Variants in NPL observed in about 807,000 individuals in gnomAD.
NPL encodes the protein N-acetylneuraminate lyase.
In NPL, 32 loss-of-function variants were observed where a neutral mutation model predicts 41.1. The ratio of observed to expected loss-of-function variants is 0.78; its 90% CI spans 0.59 to 1.05. NPL has a LOEUF of 1.05. NPL is among the 50% of genes least tolerant of loss of function. NPL has a pLI of 0.00. For missense variants in NPL, 321 were observed against 378.4 expected (o/e 0.85, Z 1.26); for synonymous variants, 128 against 134.9 (o/e 0.95, Z 0.35).
chr1:182,829,560 C>A lies in NPL; in HGVS notation c.*652C>A. ...GCTTTCTCATAACAAAGGAAAAAGT[C>A]TTCCCCAAAGATGAATTTAAGTCTC... On this transcript the variant is annotated 3_prime_UTR_variant, in exon 13 of 13. Transcript: ENST00000367553. 2 of 1,529,338 alleles carry A rather than the reference C, an allele frequency of 1.3e-6. No homozygotes were observed. The highest frequency in any genetic ancestry group is 1.2e-5 in the South Asian group (1 of 83,194). The allele number at this position is 1,529,338 out of a possible 1,614,324, so 94.7% of individuals were successfully genotyped here.
At chr1:182,822,517 C>T (rs530425882) in intron 11 of NPL, among the ~76,000 whole-genome samples, 2 of 152,246 alleles carry the variant, frequency 1.3e-5, no homozygotes, top group African/African-American at 4.8e-5. Flanking sequence ...GGAAAATGAC[C>T]ACAGGCTGTC....
At chr1:182,813,072 G>A (rs1361806208) in intron 6 of NPL, among the ~76,000 whole-genome samples, 1 of 150,738 alleles carries the variant, frequency 6.6e-6, no homozygotes, top group East Asian at 1.9e-4. Context: ...AGAATTGCTT[G>A]AACCCAGGAG....
intron 3 of NPL, among the ~76,000 whole-genome samples, chr1:182,802,930 T>A (rs1442209787): frequency 6.6e-6 from 1 of 152,084 alleles, no homozygotes; most frequent in Non-Finnish European, 1.5e-5. Flanking sequence ...TCTAATAAAG[T>A]CCCCCAGATG....
chr1:182,818,657 C>CA lies in NPL; in HGVS notation c.576dup (p.Gln193ThrfsTer10), dbSNP rs777397661. 3.5e-5 allele frequency: 57 copies of CA among 1,614,214 alleles called. No individual in the cohort carries two copies. The highest frequency in any genetic ancestry group is 4.7e-5 in the Non-Finnish European group (56 of 1,180,042). ...GCAATGTGTTGATCAGAATCGCCAG[C>CA]AACAGTTTGCTTTCCTTTTTGGGGT... On this transcript the variant is annotated frameshift_variant, in exon 9 of 13. Coordinates refer to ENST00000367553, the MANE Select transcript of NPL (RefSeq NM_030769.3). LOFTEE classifies it high-confidence loss of function.
chr1:182,822,082 T>C lies in NPL; in HGVS notation c.654-33T>C, dbSNP rs1377490474. ...GATCTGGACCTTTCCTGTTGAGTTA[T>C]TGAACCTGCAGTATTTGTTATTGTC... On this transcript the variant is annotated intron_variant, in intron 10 of 12. Transcript: ENST00000367553. 3.7e-6 allele frequency: 5 copies of C among 1,364,580 alleles called. No individual in the cohort carries two copies. The African/African-American group carries it at 5.7e-5, about 16-fold the overall frequency. The allele number at this position is 1,364,580 out of a possible 1,614,324, so 84.5% of individuals were successfully genotyped here. A position where few individuals can be genotyped will look rare whatever the true frequency, so the allele number is the denominator to read the frequency against.
At chr1:182,809,764 A>G (rs1270057922) in intron 5 of NPL, 1 of 152,192 alleles carries the variant, frequency 6.6e-6, no homozygotes, top group South Asian at 2.1e-4. Flanking sequence ...GAAATGAGTC[A>G]TGACAGCCAG....
chr1:182,819,230 G>A (rs1190949711), intron 10 of NPL, among the ~76,000 whole-genome samples: 1 of 152,206 alleles, frequency 6.6e-6, no homozygotes, highest in Non-Finnish European at 1.5e-5. Context: ...GCCAAGGCGG[G>A]TGGATCACGA....
In NPL at chr1:182,796,819, A is replaced by G. The variant is rs758249828; in HGVS notation, c.68+2380A>G. ...TGGGAGGCCGAGGTGGGCGGATCAC[A>G]AGGTCAAGAGATCGAGACCATCCTG... On this transcript the variant is annotated intron_variant, in intron 3 of 12. Coordinates refer to ENST00000367553, the MANE Select transcript of NPL (RefSeq NM_030769.3). Among the ~76,000 whole-genome samples the G allele has an allele frequency of 1.1e-3, 171 of 152,076 alleles. 1 individual carries two copies. Among genetic ancestry groups the G allele is most frequent in the Non-Finnish European group, 1.7e-3 (116 of 67,974 alleles).
intron 3 of NPL, among the ~76,000 whole-genome samples, chr1:182,802,112 G>GTAA (rs1346502307): frequency 6.6e-6 from 1 of 152,212 alleles, no homozygotes; most frequent in East Asian, 1.9e-4. Context: ...TTTCATCATT[G>GTAA]TAAGTTCCCA....
At chr1:182,815,663 G>C (rs1667306337) in intron 7 of NPL, among the ~76,000 whole-genome samples, 1 of 152,134 alleles carries the variant, frequency 6.6e-6, no homozygotes, top group Admixed American at 6.5e-5. Context: ...GAGTACAGTG[G>C]CATGATCATA....
chr1:182,807,163 T>TA lies in NPL; in HGVS notation c.230+932dup, dbSNP rs539479086. 4.2e-3 allele frequency among the ~76,000 whole-genome samples: 636 copies of TA among 152,240 alleles called. 2 individuals are homozygous for TA. The highest frequency in any genetic ancestry group is 0.015 in the African/African-American group (623 of 41,528). ...AACTAAGTTTTATTGATTTGTCTGT[T>TA]ACAGTGTTATATGTTATGTACTGTG... On this transcript the variant is annotated intron_variant, in intron 5 of 12. Transcript: ENST00000367553.
chr1:182,820,469 T>C (rs1379989489), intron 10 of NPL, among the ~76,000 whole-genome samples: 1 of 152,228 alleles, frequency 6.6e-6, no homozygotes, highest in Non-Finnish European at 1.5e-5. Flanking sequence ...CTGAGGAAAT[T>C]TGAATGTGTA....
intron 5 of NPL, among the ~76,000 whole-genome samples, chr1:182,808,887 G>T (rs967147017): frequency 6.6e-6 from 1 of 151,436 alleles, no homozygotes; most frequent in Non-Finnish European, 1.5e-5. Flanking sequence ...TGAGCCCGGG[G>T]TGACAGAGGT....
At chr1:182,810,801 A>G (rs924624397) in intron 5 of NPL, among the ~76,000 whole-genome samples, 1 of 152,020 alleles carries the variant, frequency 6.6e-6, no homozygotes, top group Admixed American at 6.6e-5. Flanking sequence ...TTTTACCTGC[A>G]TGAACTCACA....
chr1:182,829,260 C>T lies in NPL; in HGVS notation c.*352C>T. On this transcript the variant is annotated 3_prime_UTR_variant, in exon 13 of 13. Transcript: ENST00000367553. ...GTTCCTAATCCTATTTTAAAGTTGT[C>T]TAATTTTAAACCACTATAATATGTC... 2 of 1,182,186 alleles carry T rather than the reference C, an allele frequency of 1.7e-6. No homozygotes were observed. The highest frequency in any genetic ancestry group is 2.1e-6 in the Non-Finnish European group (2 of 951,924). 73.2% of individuals were successfully genotyped at this position (1,182,186 alleles called of 1,614,324 possible). A position where few individuals can be genotyped will look rare whatever the true frequency, so the allele number is the denominator to read the frequency against.
intron 10 of NPL, among the ~76,000 whole-genome samples, chr1:182,819,456 A>AG (rs1266409469): frequency 6.6e-6 from 1 of 150,424 alleles, no homozygotes; most frequent in East Asian, 1.9e-4. Context: ...CAAAAAAAAA[A>AG]AAAAATTAGC....
intron 4 of NPL, among the ~76,000 whole-genome samples, chr1:182,805,020 A>G (rs922129324): frequency 6.6e-6 from 1 of 151,940 alleles, no homozygotes; most frequent in Non-Finnish European, 1.5e-5. Flanking sequence ...TGCCTCCCCA[A>G]CCTCCCTTCT....
intron 3 of NPL, among the ~76,000 whole-genome samples, chr1:182,800,626 G>T (rs957856978): frequency 2.0e-5 from 3 of 151,808 alleles, no homozygotes; most frequent in Admixed American, 6.6e-5. Flanking sequence ...GTCAGGCAGG[G>T]ATCTGAAATG....
chr1:182,800,810 A>G (rs1273612921), intron 3 of NPL, among the ~76,000 whole-genome samples: 2 of 146,802 alleles, frequency 1.4e-5, no homozygotes, highest in South Asian at 2.2e-4. Context: ...GCTCACTGCA[A>G]CCTCCACCTC....
Sources: gnomAD v4.1 joint callset for allele counts (sites outside exome capture counted in the v4.1 genomes callset) on GRCh38, gnomAD v4.1.1 for gene constraint, MANE v1.5 for transcripts, NCBI Gene and HGNC (gene_info 2026-07-23, HGNC 2026-07-21) for gene names.